NAALADL2: variants seen among roughly 807,000 people sequenced by gnomAD.
NAALADL2 encodes inactive N-acetylated-alpha-linked acidic dipeptidase-like protein 2.
In NAALADL2, 76 loss-of-function variants were observed where a neutral mutation model predicts 87.2. The observed-to-expected ratio is 0.87, with a 90% CI of 0.72 to 1.05. NAALADL2 has a LOEUF of 1.05. Ranked by LOEUF, NAALADL2 falls within the 50% of genes least tolerant of loss-of-function variation. NAALADL2 has a pLI of 0.00. For missense variants in NAALADL2, 1,089 were observed against 945.8 expected, an observed-to-expected ratio of 1.15 and a Z score of -1.99; for synonymous variants, 354 against 331.0, an observed-to-expected ratio of 1.07 and a Z score of -0.75.
At chr3:175,107,603 A>G (rs144268634) in intron 2 of NAALADL2, among the ~76,000 whole-genome samples, 135 of 152,068 alleles carry the variant, frequency 8.9e-4, no homozygotes, top group African/African-American at 3.1e-3. Context: ...ACAGATTTAT[A>G]TAACTGAAAT....
At chr3:174,794,817 G>T (rs1393985899) in intron 3 of NAALADL2, among the ~76,000 whole-genome samples, 1 of 151,668 alleles carries the variant, frequency 6.6e-6, no homozygotes, top group Non-Finnish European at 1.5e-5. Flanking sequence ...CTATTTTATT[G>T]TCTCCATTTG....
chr3:174,950,524 TA>T (rs979089543), intron 1 of NAALADL2, among the ~76,000 whole-genome samples: 4 of 152,150 alleles, frequency 2.6e-5, no homozygotes, highest in African/African-American at 9.7e-5. Flanking sequence ...ACTATTTTTC[TA>T]AAAAAGCTAG....
intron 1 of NAALADL2, among the ~76,000 whole-genome samples, chr3:175,014,948 A>G (rs1750627387): frequency 6.6e-6 from 1 of 151,906 alleles, no homozygotes; most frequent in South Asian, 2.1e-4. Context: ...TAGGAATGCT[A>G]CTTTCAAATT....
chr3:175,292,953 C>T (rs998767123), intron 4 of NAALADL2, among the ~76,000 whole-genome samples: 1 of 138,206 alleles, frequency 7.2e-6, no homozygotes, highest in African/African-American at 2.7e-5. Flanking sequence ...AGGAGAATGG[C>T]GTGAACCCGG....
rs544318872 is a variant in NAALADL2 at position 175,739,762 on chromosome 3, T to G, written c.1990+2363T>G. Among the ~76,000 whole-genome samples, 4 of 152,282 alleles carry G rather than the reference T, an allele frequency of 2.6e-5. No individual in the cohort carries two copies. The South Asian group carries it at 8.3e-4, about 32-fold the overall frequency. On this transcript the variant is annotated intron_variant, in intron 12 of 13. Coordinates refer to ENST00000454872, the MANE Select transcript of NAALADL2 (RefSeq NM_207015.3). ...ATAAATAAACCAAAATTAAAATCCC[T>G]TCTCCTAAGAAACATACCTACATAC...
chr3:175,397,160 A>C (rs2149043078), intron 5 of NAALADL2: 1 of 152,166 alleles, frequency 6.6e-6, no homozygotes, highest in Non-Finnish European at 1.5e-5. Context: ...TATATTGCCC[A>C]CTTGAGAATT....
chr3:174,829,635 A>T (rs962328649), intron 3 of NAALADL2, among the ~76,000 whole-genome samples: 1 of 143,408 alleles, frequency 7.0e-6, no homozygotes, highest in African/African-American at 2.7e-5. Context: ...ATACCCAGTA[A>T]TGGGATGGCT....
chr3:175,188,278 G>T (rs147566453), intron 2 of NAALADL2, among the ~76,000 whole-genome samples: 1 of 152,218 alleles, frequency 6.6e-6, no homozygotes, highest in East Asian at 1.9e-4. Context: ...ATTGTATTGT[G>T]CCTGACCTGA....
intron 1 of NAALADL2, among the ~76,000 whole-genome samples, chr3:174,523,062 C>T (rs920178794): frequency 1.3e-5 from 2 of 152,066 alleles, no homozygotes; most frequent in Non-Finnish European, 2.9e-5. Flanking sequence ...GAAATGGGCC[C>T]TCACCAGATA....
At chr3:175,712,804 G>A (rs1162126239) in intron 11 of NAALADL2, among the ~76,000 whole-genome samples, 1 of 152,058 alleles carries the variant, frequency 6.6e-6, no homozygotes, top group Non-Finnish European at 1.5e-5. Flanking sequence ...TTTATGGTAT[G>A]TTTGTTATAA....
intron 1 of NAALADL2, among the ~76,000 whole-genome samples, chr3:174,450,763 G>A (rs948911175): frequency 6.6e-6 from 1 of 151,316 alleles, no homozygotes; most frequent in Admixed American, 6.6e-5. Flanking sequence ...CCAGCTACTC[G>A]GGAGGCTGAG....
At chr3:174,962,433 G>GGTCATAGTGACTATGTCATATATCTA in intron 1 of NAALADL2, among the ~76,000 whole-genome samples, 1 of 52,242 alleles carries the variant, frequency 1.9e-5, no homozygotes, top group Non-Finnish European at 5.0e-5. Context: ...ATATATATAT[G>GGTCATAGTGACTATGTCATATATCTA]TATATTTTTA....
At chr3:175,718,701 A>G (rs1205282607) in intron 11 of NAALADL2, 17 of 1,481,122 alleles carry the variant, frequency 1.1e-5, no homozygotes, top group Non-Finnish European at 1.6e-5. Context: ...TAGAGATGGA[A>G]GATCACTTGA....
intron 2 of NAALADL2, among the ~76,000 whole-genome samples, chr3:174,625,462 C>G (rs1459913674): frequency 6.8e-6 from 1 of 147,846 alleles, no homozygotes; most frequent in Non-Finnish European, 1.5e-5. Context: ...CCATAAAATA[C>G]TGAAAATTTG....
chr3:174,851,607 G>A (rs1223487498), intron 3 of NAALADL2, among the ~76,000 whole-genome samples: 2 of 151,788 alleles, frequency 1.3e-5, no homozygotes, highest in Non-Finnish European at 2.9e-5. Context: ...ATAAATAATG[G>A]GATCAAAGCT....
At chr3:175,125,978 A>G (rs1270775221) in intron 2 of NAALADL2, among the ~76,000 whole-genome samples, 2 of 152,108 alleles carry the variant, frequency 1.3e-5, no homozygotes, top group East Asian at 3.9e-4. Context: ...TCCTGAATTT[A>G]CAGGAAATCC....
At chr3:174,699,882 G>A (rs1729393421) in intron 2 of NAALADL2, among the ~76,000 whole-genome samples, 1 of 127,400 alleles carries the variant, frequency 7.8e-6, no homozygotes, top group African/African-American at 3.0e-5. Context: ...TTTCTGCTTA[G>A]ACTTTTGGGG....
intron 5 of NAALADL2, among the ~76,000 whole-genome samples, chr3:175,417,891 AT>A (rs1240936640): frequency 5.3e-5 from 8 of 152,144 alleles, no homozygotes; most frequent in Non-Finnish European, 1.2e-4. Flanking sequence ...CTCCTTTCTT[AT>A]GGGCTCCTGA....
chr3:175,521,880 A>T (rs990119030), intron 9 of NAALADL2, among the ~76,000 whole-genome samples: 2 of 152,216 alleles, frequency 1.3e-5, no homozygotes, highest in Non-Finnish European at 2.9e-5. Context: ...GCTTTGTCAC[A>T]TCAGCCCTAG....
Sources: gnomAD v4.1 joint callset for allele counts (sites outside exome capture counted in the v4.1 genomes callset) on GRCh38, gnomAD v4.1.1 for gene constraint, MANE v1.5 for transcripts, NCBI Gene and HGNC (gene_info 2026-07-23, HGNC 2026-07-21) for gene names.